The following DDX17 variants were observed in gnomAD, a reference collection of about 807,000 sequenced individuals.
DDX17 encodes the protein probable ATP-dependent RNA helicase DDX17.
Under a neutral mutation model 80.8 loss-of-function variants are expected in DDX17, and 10 were observed. The observed-to-expected ratio is 0.12, with a 90% CI of 0.08 to 0.21. The LOEUF is 0.21. Ranked by LOEUF, DDX17 falls within the 10% of genes least tolerant of loss-of-function variation. The pLI, the probability that DDX17 is intolerant of heterozygous loss-of-function variation, is 1.00. For synonymous variants in DDX17, 339 were observed against 336.2 expected (o/e 1.01, Z -0.09); for missense variants, 586 against 957.4 (o/e 0.61, Z 5.12).
Position 38,493,837 on chromosome 22 carries a change from C to A in DDX17, c.1326-66G>T. 5 of 1,506,240 alleles carry A rather than the reference C, an allele frequency of 3.3e-6. No homozygotes were observed. In the East Asian group the frequency reaches 9.0e-5, roughly 27 times the overall value. 93.3% of individuals were successfully genotyped at this position (1,506,240 alleles called of 1,614,324 possible). On this transcript the variant is annotated intron_variant, in intron 9 of 12. Transcript: ENST00000403230. Reference sequence around the variant, plus strand: ...AAGTGGAGAAAATCGAACTTTAAAGCCAAATGCTATCATGCAATTTTTGTA... The same window carrying A: ...AAGTGGAGAAAATCGAACTTTAAAGACAAATGCTATCATGCAATTTTTGTA...
At chr22:38,498,966 C>G (rs751158472) in intron 3 of DDX17, among the ~76,000 whole-genome samples, 1 of 152,128 alleles carries the variant, frequency 6.6e-6, no homozygotes, top group African/African-American at 2.4e-5. Flanking sequence ...GAGCTGAGAT[C>G]GCGCCACTGC....
At chr22:38,500,846 A>AAAAAAAAAAC in intron 2 of DDX17, among the ~76,000 whole-genome samples, 1 of 139,462 alleles carries the variant, frequency 7.2e-6, no homozygotes, top group African/African-American at 2.7e-5. Flanking sequence ...AAAAAAAAAA[A>AAAAAAAAAAC]TCAGCTGGGT....
chr22:38,505,889 C>A (rs1160704614), intron 1 of DDX17, 62 bp downstream of exon 1: 1 of 1,519,666 alleles, frequency 6.6e-7, no homozygotes, highest in African/African-American at 1.4e-5. Context: ...TCCGCCGGGC[C>A]TCCCCAAGAA....
At position 38,500,237 on chromosome 22, in the gene DDX17, C is replaced by T. The variant is rs73157137; in HGVS notation, c.439-738G>A. 4.7e-3 allele frequency among the ~76,000 whole-genome samples: 699 copies of T among 149,878 alleles called. 2 individuals are homozygous for T. Among genetic ancestry groups the T allele is most frequent in the Non-Finnish European group, 7.8e-3 (531 of 67,664 alleles). On this transcript the variant is annotated intron_variant, in intron 2 of 12. Coordinates refer to ENST00000403230, the MANE Select transcript of DDX17 (RefSeq NM_006386.5). The stretch of plus-strand genomic sequence containing the variant: ...AGATGAAAAAACATGACCTAATATA[C>T]AATATTTCAATCATGTATAATAAAC...
intron 5 of DDX17, among the ~76,000 whole-genome samples, chr22:38,497,093 C>T (rs1413901073): frequency 4.0e-5 from 6 of 151,132 alleles, no homozygotes; most frequent in South Asian, 4.2e-4. Context: ...GTCAGGAGTT[C>T]GAGACCAGTC....
chr22:38,501,396 A>G (rs1037988787), intron 1 of DDX17, 116 bp from the exon 2 acceptor site: 1 of 1,218,596 alleles, frequency 8.2e-7, no homozygotes, highest in Non-Finnish European at 1.1e-6. Flanking sequence ...TACCTCCAAA[A>G]AGACCATTTT....
Position 38,484,858 on chromosome 22 carries a change from G to A in DDX17, c.*1077C>T, listed in dbSNP as rs1475877910. On this transcript the variant is annotated 3_prime_UTR_variant, in exon 13 of 13. Coordinates refer to ENST00000403230, the MANE Select transcript of DDX17 (RefSeq NM_006386.5). ...GAAAGCACTGCAGAGAACAGGGTATGAAGAAAATAAAGAGTTCTTAATAAA... is the reference window on the plus strand; with the variant it reads ...GAAAGCACTGCAGAGAACAGGGTATAAAGAAAATAAAGAGTTCTTAATAAA... 8 of 152,342 alleles carry A rather than the reference G, an allele frequency of 5.3e-5. No homozygotes were observed. The highest frequency in any genetic ancestry group is 5.2e-4 in the Admixed American group (8 of 15,304). The allele number at this position is 152,342 out of a possible 1,614,324, so 9.4% of individuals were successfully genotyped here. A position where few individuals can be genotyped will look rare whatever the true frequency, so the allele number is the denominator to read the frequency against.
intron 1 of DDX17, among the ~76,000 whole-genome samples, chr22:38,503,669 G>A (rs893288060): frequency 1.3e-5 from 2 of 151,990 alleles, no homozygotes; most frequent in Non-Finnish European, 2.9e-5. Flanking sequence ...GTTTTTATCC[G>A]GTCAGTAATT....
At chr22:38,488,929 A>G (rs2089688103) in intron 11 of DDX17, 1 of 985,262 alleles carries the variant, frequency 1.0e-6, no homozygotes, top group South Asian at 4.7e-5. Context: ...TTAAATTAAT[A>G]GCCAAAGAAC....
At chr22:38,493,427 T>C in intron 10 of DDX17, 1 of 312,444 alleles carries the variant, frequency 3.2e-6, no homozygotes, top group South Asian at 6.6e-5. Context: ...GCCTAGGTGA[T>C]CCACGCGCCT....
Position 38,498,121 on chromosome 22 carries a change from G to A in DDX17, c.702C>T (p.Asn234=). Residue 234 remains asparagine (N), a synonymous_variant, in exon 5 of 13, where the codon AAC becomes AAT. Transcript: ENST00000403230. Reference sequence around the variant, plus strand: ...CTCCCCTTTCCAAGTATGGCTGGTGGTTAATATGAACAATTGCAGGCAGGA... The same window carrying A: ...CTCCCCTTTCCAAGTATGGCTGGTGATTAATATGAACAATTGCAGGCAGGA... The A allele has an allele frequency of 6.2e-7, 1 of 1,614,114 alleles. No individual in the cohort carries two copies. The highest frequency in any genetic ancestry group is 8.5e-7 in the Non-Finnish European group (1 of 1,180,008).
rs2089627036 is a variant in DDX17, at chr22:38,483,879, C to G, written c.*2056G>C. 6.6e-6 allele frequency: 1 copy of G among 152,170 alleles called. No homozygotes were observed. The highest frequency in any genetic ancestry group is 2.4e-5 in the African/African-American group (1 of 41,438). 9.4% of individuals were successfully genotyped at this position (152,170 alleles called of 1,614,324 possible). ...AGAGTTAAACTCTGCTAGATTTCAG[C>G]TGTGCTCAGGCCATAATAGTTTTTG... On this transcript the variant is annotated 3_prime_UTR_variant, in exon 13 of 13. Transcript: ENST00000403230.
chr22:38,499,629 T>A, intron 2 of DDX17, 130 bp from the exon 3 acceptor site: 1 of 694,924 alleles, frequency 1.4e-6, no homozygotes, highest in Non-Finnish European at 2.5e-6. Flanking sequence ...TACATGGTAC[T>A]TTCATGTGTA....
At chr22:38,493,605 T>A (rs1403773428) in intron 10 of DDX17, 105 bp downstream of exon 10, 9 of 871,582 alleles carry the variant, frequency 1.0e-5, no homozygotes, top group South Asian at 1.0e-4. Flanking sequence ...ATACTTACTA[T>A]GTGGCCCTTT....
At chr22:38,490,123 G>A (rs2089698625) in intron 11 of DDX17, 2 of 1,151,906 alleles carry the variant, frequency 1.7e-6, no homozygotes. Context: ...CTGGATGGGG[G>A]CACACAGGAG....
Position 38,495,031 on chromosome 22 carries a change from A to G in DDX17, c.896T>C (p.Ile299Thr). The G allele has an allele frequency of 6.2e-7, 1 of 1,613,404 alleles. No individual in the cohort carries two copies. The highest frequency in any genetic ancestry group is 8.5e-7 in the Non-Finnish European group (1 of 1,179,764). The change falls in exon 7 of 13, where the codon ATA becomes ACA. Residue 299 changes from isoleucine (I) to threonine (T), a missense_variant. Transcript: ENST00000403230. ...ATCTATCAGACGTCCAGGAGTGGCT[A>G]TGCAGATCTCAACACCTGTAAAACA... is the stretch of plus-strand genomic sequence containing the variant.
intron 12 of DDX17, among the ~76,000 whole-genome samples, chr22:38,487,185 C>T (rs901578951): frequency 6.6e-6 from 1 of 152,124 alleles, no homozygotes; most frequent in Non-Finnish European, 1.5e-5. Context: ...CCCGCCAAAG[C>T]AACCACATTA....
rs747637228 is a variant in DDX17, at chr22:38,487,869, T to C, written c.1684+10A>G. On this transcript the variant is annotated intron_variant, in intron 12 of 12. Transcript: ENST00000403230. ...GGCAGTACCTGGAAAACTCCAGGAC[T>C]TACCCTTACCCCCGCCTCCGCCGCC... The C allele has an allele frequency of 1.2e-6, 2 of 1,614,010 alleles. No homozygotes were observed. Among genetic ancestry groups the C allele is most frequent in the East Asian group, 2.2e-5 (1 of 44,890 alleles).
intron 1 of DDX17, 112 bp downstream of exon 1, chr22:38,505,839 C>G (rs911273098): frequency 4.4e-6 from 6 of 1,364,110 alleles, no homozygotes; most frequent in Non-Finnish European, 5.9e-6. Flanking sequence ...GTCGCCTCCC[C>G]TCGCCTCCCG....
Sources: gnomAD v4.1 joint callset for allele counts (sites outside exome capture counted in the v4.1 genomes callset) on GRCh38, gnomAD v4.1.1 for gene constraint, MANE v1.5 for transcripts, NCBI Gene and HGNC (gene_info 2026-07-23, HGNC 2026-07-21) for gene names.